AFG1L: variants seen among roughly 807,000 people sequenced by gnomAD.
AFG1L encodes AFG1-like ATPase.
A neutral mutation model predicts 62.2 loss-of-function variants in AFG1L; 53 were observed. The observed-to-expected ratio is 0.85, with a 90% CI of 0.68 to 1.07. The LOEUF (loss-of-function observed/expected upper bound fraction) is 1.07, where lower values mean the gene tolerates loss of function less well. AFG1L is among the 50% of genes least tolerant of loss of function. The pLI is 0.00. For synonymous variants in AFG1L, 228 were observed against 210.3 expected (o/e 1.08, Z -0.73); for missense variants, 555 against 590.5 (o/e 0.94, Z 0.62).
chr6:108,356,755 C>T lies in AFG1L; in HGVS notation c.583C>T (p.Pro195Ser), dbSNP rs1397966371. ...AGGATTCATGGCTAAATCATATGAC[C>T]CAATAGCTCCCATAGCCGAAGAAAT... ...KPGFMAKSYD[P>S]IAPIAEEISE... Residue 195 changes from proline to serine, a missense_variant, in exon 5 of 13, where the codon CCA becomes TCA. Pro to Ser is a moderately conservative substitution (Grantham distance 74). Coordinates refer to ENST00000368977, the MANE Select transcript of AFG1L (RefSeq NM_145315.5). The T allele has an allele frequency of 2.5e-6, 4 of 1,612,592 alleles. No individual in the cohort carries two copies. Among genetic ancestry groups the T allele is most frequent in the Non-Finnish European group, 3.4e-6 (4 of 1,178,996 alleles).
intron 7 of AFG1L, among the ~76,000 whole-genome samples, chr6:108,408,063 G>A (rs1248251266): frequency 6.6e-6 from 1 of 151,210 alleles, no homozygotes; most frequent in East Asian, 1.9e-4. Context: ...TCCTTTAAGG[G>A]TGTCAAATTT....
At chr6:108,441,715 AT>A (rs1324686499) in intron 7 of AFG1L, among the ~76,000 whole-genome samples, 5 of 121,618 alleles carry the variant, frequency 4.1e-5, no homozygotes, top group African/African-American at 1.5e-4. Context: ...AAAAAAAAAT[AT>A]ATATATATAT....
At chr6:108,468,137 A>G (rs1218063428) in intron 8 of AFG1L, among the ~76,000 whole-genome samples, 1 of 152,198 alleles carries the variant, frequency 6.6e-6, no homozygotes, top group East Asian at 1.9e-4. Flanking sequence ...CAGAGTTTAC[A>G]TATAGTTGTT....
intron 1 of AFG1L, among the ~76,000 whole-genome samples, chr6:108,323,182 A>G (rs1777881660): frequency 6.6e-6 from 1 of 152,158 alleles, no homozygotes; most frequent in African/African-American, 2.4e-5. Flanking sequence ...TTACTCAAAG[A>G]AAGGCAACTC....
chr6:108,313,786 T>TGC (rs1777495624), intron 1 of AFG1L, among the ~76,000 whole-genome samples: 1 of 152,192 alleles, frequency 6.6e-6, no homozygotes, highest in African/African-American at 2.4e-5. Flanking sequence ...GTGATCTGCC[T>TGC]GCTTCGGCCT....
chr6:108,363,429 G>C (rs565566427), intron 5 of AFG1L, among the ~76,000 whole-genome samples: 1 of 151,976 alleles, frequency 6.6e-6, no homozygotes, highest in Non-Finnish European at 1.5e-5. Context: ...TTAGATACAC[G>C]ATTCTTACCT....
Position 108,447,298 on chromosome 6 carries a change from T to A in AFG1L, c.890+2T>A. 6.5e-7 allele frequency: 1 copy of A among 1,546,806 alleles called. No homozygotes were observed. Among genetic ancestry groups the A allele is most frequent in the Non-Finnish European group, 8.9e-7 (1 of 1,122,650 alleles). ...TGCTGCAGGAAAACTCTACTACCTG[T>A]AAGTGTTTCTAATTTTTAAAGTTTA... is the stretch of plus-strand genomic sequence containing the variant. On this transcript the variant is annotated splice_donor_variant, in intron 8 of 12. Coordinates refer to ENST00000368977, the MANE Select transcript of AFG1L (RefSeq NM_145315.5). LOFTEE classifies it high-confidence loss of function.
chr6:108,311,422 G>T (rs994524753), intron 1 of AFG1L, among the ~76,000 whole-genome samples: 1 of 152,124 alleles, frequency 6.6e-6, no homozygotes, highest in Non-Finnish European at 1.5e-5. Flanking sequence ...GCATCTGCCC[G>T]TTCCCCTTAT....
At chr6:108,413,196 CAA>C (rs1782197863) in intron 7 of AFG1L, among the ~76,000 whole-genome samples, 1 of 152,168 alleles carries the variant, frequency 6.6e-6, no homozygotes, top group Non-Finnish European at 1.5e-5. Context: ...GTAAAGGGAT[CAA>C]TTCAAAAAGA....
At chr6:108,387,469 T>C (rs1780818248) in intron 6 of AFG1L, 1 of 152,420 alleles carries the variant, frequency 6.6e-6, no homozygotes, top group African/African-American at 2.4e-5. Flanking sequence ...TTTCCCTCGT[T>C]GGTTTCTGGC....
intron 7 of AFG1L, among the ~76,000 whole-genome samples, chr6:108,417,020 T>C (rs1395620842): frequency 6.6e-6 from 1 of 151,748 alleles, no homozygotes; most frequent in Non-Finnish European, 1.5e-5. Flanking sequence ...GGAGGATTGC[T>C]TGAGGAGTTT....
In AFG1L at chr6:108,509,823, G is replaced by A. The variant is rs1043243273; in HGVS notation, c.1063-389G>A. Among the ~76,000 whole-genome samples the A allele has an allele frequency of 2.6e-5, 4 of 152,156 alleles. No individual in the cohort carries two copies. The East Asian group carries it at 7.7e-4, about 29-fold the overall frequency. On this transcript the variant is annotated intron_variant, in intron 10 of 12. Transcript: ENST00000368977. ...AAATACAGTGTCTTTTTGTAAAAAG[G>A]AAAACTCATACATTAGGACTCTCAT...
intron 1 of AFG1L, among the ~76,000 whole-genome samples, chr6:108,313,093 C>T (rs1777473206): frequency 6.6e-6 from 1 of 152,136 alleles, no homozygotes; most frequent in African/African-American, 2.4e-5. Context: ...GCATCACTGG[C>T]CAGGGTGGTG....
chr6:108,485,698 T>G (rs1204525259), intron 10 of AFG1L, among the ~76,000 whole-genome samples: 5 of 104,150 alleles, frequency 4.8e-5, no homozygotes, highest in African/African-American at 1.2e-4. Flanking sequence ...AGAGAGAGGG[T>G]CTTGTTCTTT....
chr6:108,334,550 A>AAAAATTAAAAAAAATTAAAAAATT (rs1778405560), intron 2 of AFG1L, among the ~76,000 whole-genome samples: 1 of 108,284 alleles, frequency 9.2e-6, no homozygotes, highest in East Asian at 4.2e-4. Flanking sequence ...TAAAAAATTA[A>AAAAATTAAAAAAAATTAAAAAATT]AAAAAAAACA....
intron 7 of AFG1L, among the ~76,000 whole-genome samples, chr6:108,403,004 A>C (rs1781697984): frequency 6.6e-6 from 1 of 152,122 alleles, no homozygotes; most frequent in Non-Finnish European, 1.5e-5. Context: ...ATTAATTTTA[A>C]GTAATATTTT....
intron 6 of AFG1L, among the ~76,000 whole-genome samples, chr6:108,374,107 A>G (rs1780138667): frequency 6.6e-6 from 1 of 151,006 alleles, no homozygotes; most frequent in African/African-American, 2.4e-5. Flanking sequence ...ATTTTTTTTT[A>G]TATGTTTGTT....
intron 2 of AFG1L, among the ~76,000 whole-genome samples, chr6:108,330,744 A>C (rs1263452507): frequency 6.6e-6 from 1 of 152,208 alleles, no homozygotes; most frequent in East Asian, 1.9e-4. Context: ...TTTGGAGGAA[A>C]GCTAAGCAGT....
intron 1 of AFG1L, among the ~76,000 whole-genome samples, chr6:108,307,168 C>T (rs1777230453): frequency 6.6e-6 from 1 of 151,936 alleles, no homozygotes; most frequent in South Asian, 2.1e-4. Context: ...CGCATGCTAC[C>T]ATGCCTGGCT....
Sources: gnomAD v4.1 joint callset for allele counts (sites outside exome capture counted in the v4.1 genomes callset) on GRCh38, gnomAD v4.1.1 for gene constraint, MANE v1.5 for transcripts, NCBI Gene and HGNC (gene_info 2026-07-23, HGNC 2026-07-21) for gene names.